The following IL1RAPL2 variants were observed in gnomAD, a reference collection of about 807,000 sequenced individuals.
IL1RAPL2 encodes interleukin 1 receptor accessory protein like 2.
Under a neutral mutation model 44.1 loss-of-function variants are expected in IL1RAPL2, and 3 were observed. The ratio of observed to expected loss-of-function variants is 0.07; its 90% CI spans 0.03 to 0.18. The LOEUF (loss-of-function observed/expected upper bound fraction) is 0.18, where lower values mean the gene tolerates loss of function less well. Among genes scored for constraint, IL1RAPL2 ranks in the 10% least tolerant of loss-of-function variants. IL1RAPL2 has a pLI of 1.00. For missense variants in IL1RAPL2, 391 were observed against 496.4 expected (o/e 0.79, Z 2.02); for synonymous variants, 181 against 178.8 (o/e 1.01, Z -0.10).
chrX:105,034,897 G>T lies in IL1RAPL2; in HGVS notation c.83-160578G>T, dbSNP rs756321370. The stretch of plus-strand genomic sequence containing the variant: ...AGCTGTGGTGGGCTCCACCCAGTTC[G>T]AGCTTCCCAGCTGCTTTGTTTACCT... On this transcript the variant is annotated intron_variant, in intron 2 of 10. Coordinates refer to ENST00000372582, the MANE Select transcript of IL1RAPL2 (RefSeq NM_017416.2). Among the ~76,000 whole-genome samples, 12 of 107,482 alleles carry T rather than the reference G, an allele frequency of 1.1e-4. No individual in the cohort carries two copies. The East Asian group carries it at 3.0e-3, about 27-fold the overall frequency. The allele number at this position is 107,482 out of a possible 115,157, so 93.3% of individuals were successfully genotyped here.
At chrX:104,617,574 G>T (rs966693713) in intron 1 of IL1RAPL2, among the ~76,000 whole-genome samples, 23 of 111,335 alleles carry the variant, frequency 2.1e-4, no homozygotes, top group Non-Finnish European at 3.8e-5. Flanking sequence ...TTTTATTTTT[G>T]TCTGGGTTAG....
chrX:104,972,223 C>T (rs1023888877), intron 2 of IL1RAPL2, among the ~76,000 whole-genome samples: 1 of 112,007 alleles, frequency 8.9e-6, no homozygotes, highest in Admixed American at 9.5e-5. Flanking sequence ...GTTCCTCACT[C>T]TCAAGTGGAA....
chrX:105,581,738 A>T (rs2037090405), intron 6 of IL1RAPL2, among the ~76,000 whole-genome samples: 1 of 111,498 alleles, frequency 9.0e-6, no homozygotes, highest in South Asian at 3.7e-4. Context: ...CCTCTTGATG[A>T]CATTGTTATA....
At chrX:105,423,339 A>G (rs1038403003) in intron 5 of IL1RAPL2, among the ~76,000 whole-genome samples, 3 of 112,059 alleles carry the variant, frequency 2.7e-5, no homozygotes, top group Non-Finnish European at 3.8e-5. Flanking sequence ...GTTAGAACAC[A>G]TGATATCACA....
rs185927880 is a variant in IL1RAPL2, at chrX:105,077,182, C to T, written c.83-118293C>T. Among the ~76,000 whole-genome samples the T allele has an allele frequency of 3.7e-3, 413 of 111,573 alleles. 1 individual carries two copies. The highest frequency in any genetic ancestry group is 0.036 in the South Asian group (95 of 2,620). On this transcript the variant is annotated intron_variant, in intron 2 of 10. Transcript: ENST00000372582. Reference sequence around the variant, plus strand: ...GTCATGTTTTTGCAGTAGCTGGTACCGGTTGTTCCTTTCCATGTTTATTGC... The same window carrying T: ...GTCATGTTTTTGCAGTAGCTGGTACTGGTTGTTCCTTTCCATGTTTATTGC...
At chrX:104,587,969 G>C (rs1043503083) in intron 1 of IL1RAPL2, among the ~76,000 whole-genome samples, 3 of 111,168 alleles carry the variant, frequency 2.7e-5, no homozygotes, top group African/African-American at 6.5e-5. Flanking sequence ...GATTTTTTTT[G>C]TTTTAGTGGA....
intron 3 of IL1RAPL2, among the ~76,000 whole-genome samples, chrX:105,217,557 G>C (rs782622277): frequency 5.4e-5 from 6 of 112,058 alleles, no homozygotes; most frequent in East Asian, 2.8e-4. Context: ...CCTCAGGGAT[G>C]TAGAACTAGA....
intron 1 of IL1RAPL2, among the ~76,000 whole-genome samples, chrX:104,621,427 C>T (rs1014280469): frequency 3.8e-4 from 42 of 109,092 alleles, no homozygotes; most frequent in Middle Eastern, 4.7e-3. Flanking sequence ...AGTCTGTGTG[C>T]CATTGCTGGG....
At chrX:105,754,980 G>A (rs1319439339) in intron 9 of IL1RAPL2, among the ~76,000 whole-genome samples, 197 bp from the exon 10 acceptor site, 2 of 112,065 alleles carry the variant, frequency 1.8e-5, no homozygotes, top group Non-Finnish European at 3.8e-5. Context: ...CTGACTATAG[G>A]TGGCCCATTG....
At chrX:104,774,227 G>A (rs189499382) in intron 2 of IL1RAPL2, among the ~76,000 whole-genome samples, 27 of 111,804 alleles carry the variant, frequency 2.4e-4, no homozygotes, top group African/African-American at 7.1e-4. Context: ...CCAGGGTAAC[G>A]GGAACATATC....
chrX:105,541,712 C>T (rs957768571), intron 6 of IL1RAPL2, among the ~76,000 whole-genome samples: 3 of 110,945 alleles, frequency 2.7e-5, no homozygotes, highest in Admixed American at 9.6e-5. Context: ...CTTGCCTGGA[C>T]GATTAAACAA....
intron 5 of IL1RAPL2, among the ~76,000 whole-genome samples, chrX:105,463,204 G>C (rs1442123559): frequency 9.0e-6 from 1 of 111,139 alleles, no homozygotes; most frequent in Non-Finnish European, 1.9e-5. Flanking sequence ...ATCAAGCCAT[G>C]AAGTTTTCCC....
intron 2 of IL1RAPL2, among the ~76,000 whole-genome samples, chrX:104,825,471 C>G (rs947447807): frequency 4.3e-4 from 48 of 111,974 alleles, no homozygotes; most frequent in African/African-American, 1.4e-3. Context: ...CAAAACATGT[C>G]ACTCATTTAG....
At chrX:104,901,207 T>TC in intron 2 of IL1RAPL2, among the ~76,000 whole-genome samples, 1 of 72,117 alleles carries the variant, frequency 1.4e-5, no homozygotes. Flanking sequence ...TTCTTTTTTT[T>TC]TTTTTTTTTT....
chrX:104,656,095 T>C (rs1281644964), intron 1 of IL1RAPL2, among the ~76,000 whole-genome samples: 5 of 111,458 alleles, frequency 4.5e-5, no homozygotes, highest in African/African-American at 1.6e-4. Context: ...TAGTGGTCTA[T>C]CAATTTTTTT....
At chrX:105,717,840 G>C (rs945148762) in intron 7 of IL1RAPL2, among the ~76,000 whole-genome samples, 2 of 112,171 alleles carry the variant, frequency 1.8e-5, no homozygotes, top group Non-Finnish European at 3.8e-5. Context: ...TTCTACCTGG[G>C]AACAGACAAC....
rs935568277 is a variant in IL1RAPL2 at position 105,660,981 on chromosome X, T to C, written c.773-56386T>C. 2.7e-5 allele frequency among the ~76,000 whole-genome samples: 3 copies of C among 110,601 alleles called. No individual in the cohort carries two copies. The East Asian group carries it at 8.6e-4, about 32-fold the overall frequency. The stretch of plus-strand genomic sequence containing the variant: ...GACTAAACTCTCCAATCAAAAGATG[T>C]TCAGTGGTTGGATAGATTTAAAAAA... On this transcript the variant is annotated intron_variant, in intron 6 of 10. Transcript: ENST00000372582.
At chrX:105,128,292 C>A (rs2032994720) in intron 2 of IL1RAPL2, among the ~76,000 whole-genome samples, 1 of 110,548 alleles carries the variant, frequency 9.0e-6, no homozygotes, top group Non-Finnish European at 1.9e-5. Flanking sequence ...TGTGTTATGA[C>A]TTTTTTCATT....
At chrX:105,139,216 CTG>C (rs905558591) in intron 2 of IL1RAPL2, among the ~76,000 whole-genome samples, 8 of 111,869 alleles carry the variant, frequency 7.2e-5, no homozygotes, top group African/African-American at 2.6e-4. Context: ...TGGTAAGACA[CTG>C]TGTGTAAAAG....
Sources: gnomAD v4.1 joint callset for allele counts (sites outside exome capture counted in the v4.1 genomes callset) on GRCh38, gnomAD v4.1.1 for gene constraint, MANE v1.5 for transcripts, NCBI Gene and HGNC (gene_info 2026-07-23, HGNC 2026-07-21) for gene names.